CDK6: variants seen among roughly 807,000 people sequenced by gnomAD.
CDK6 encodes the protein cyclin dependent kinase 6.
Under a neutral mutation model 37.1 loss-of-function variants are expected in CDK6, and 6 were observed. The observed-to-expected ratio is 0.16, with a 90% confidence interval of 0.09 to 0.32. The LOEUF is 0.32. CDK6 is among the 10% of genes least tolerant of loss of function. The probability of loss-of-function intolerance (pLI) is 1.00; values close to 1 mark genes in which losing one functional copy is unlikely to be tolerated. For missense variants in CDK6, 224 were observed against 418.9 expected (o/e 0.53, Z 4.06); for synonymous variants, 160 against 161.3 (o/e 0.99, Z 0.06).
At chr7:92,828,984 T>A (rs1448198828) in intron 2 of CDK6, among the ~76,000 whole-genome samples, 1 of 152,172 alleles carries the variant, frequency 6.6e-6, no homozygotes, top group Non-Finnish European at 1.5e-5. Flanking sequence ...TTTCCTGCTT[T>A]TATTGAAAAA....
At chr7:92,824,904 G>A (rs1361578616) in intron 2 of CDK6, among the ~76,000 whole-genome samples, 1 of 152,028 alleles carries the variant, frequency 6.6e-6, no homozygotes, top group East Asian at 1.9e-4. Flanking sequence ...ATTTACCCTA[G>A]GTTACTCAAC....
intron 5 of CDK6, among the ~76,000 whole-genome samples, chr7:92,657,825 C>T (rs1796730821): frequency 6.6e-6 from 1 of 152,214 alleles, no homozygotes; most frequent in African/African-American, 2.4e-5. Flanking sequence ...AAGTGATCCT[C>T]CTGCTTCAGC....
intron 2 of CDK6, among the ~76,000 whole-genome samples, chr7:92,785,412 G>T (rs114858322): frequency 0.012 from 1,773 of 152,244 alleles, 31 homozygotes; most frequent in African/African-American, 0.041. Flanking sequence ...AATGGGGACT[G>T]ATAATGTGTA....
chr7:92,649,330 T>C (rs557847604), intron 5 of CDK6, among the ~76,000 whole-genome samples: 1 of 152,276 alleles, frequency 6.6e-6, no homozygotes, highest in South Asian at 2.1e-4. Context: ...ATGCCAACAT[T>C]ATCTATAAAG....
chr7:92,818,056 T>C (rs188229019), intron 2 of CDK6, among the ~76,000 whole-genome samples: 3 of 152,106 alleles, frequency 2.0e-5, no homozygotes, highest in East Asian at 1.9e-4. Flanking sequence ...CCCTAATTAA[T>C]AGAGATTAAA....
At chr7:92,744,442 G>T (rs1458329391) in intron 3 of CDK6, among the ~76,000 whole-genome samples, 1 of 152,104 alleles carries the variant, frequency 6.6e-6, no homozygotes, top group Non-Finnish European at 1.5e-5. Flanking sequence ...ACTCCCAACG[G>T]GTCTTTCTCA....
At chr7:92,743,494 A>T (rs1163976153) in intron 3 of CDK6, among the ~76,000 whole-genome samples, 1 of 151,994 alleles carries the variant, frequency 6.6e-6, no homozygotes, top group Non-Finnish European at 1.5e-5. Context: ...AAAAAGAAAG[A>T]ACTCCATCAA....
chr7:92,653,946 T>C (rs920235822), intron 5 of CDK6, among the ~76,000 whole-genome samples: 1 of 152,152 alleles, frequency 6.6e-6, no homozygotes, highest in African/African-American at 2.4e-5. Flanking sequence ...CTATTCTTTA[T>C]CCTTCATGTT....
At chr7:92,774,660 G>T (rs544695232) in intron 3 of CDK6, 36 bp downstream of exon 3, 1 of 1,537,798 alleles carries the variant, frequency 6.5e-7, no homozygotes, top group Non-Finnish European at 8.7e-7. Flanking sequence ...TATAATAGTC[G>T]ACTGCCTGAT....
In CDK6 at chr7:92,834,925, C is replaced by G. The variant is rs1376259795; in HGVS notation, c.-367-1235G>C. On this transcript the variant is annotated intron_variant, in intron 1 of 7. Transcript: ENST00000424848. This position sits in a 1 kb window ranked among gnomAD's most constrained non-coding sequence, Gnocchi z 4.6. The stretch of plus-strand genomic sequence containing the variant: ...CTTTCCCTCCCCATTCAGCAGCTAT[C>G]TGGGACCTAGGGGGCCTCCCTCCTC... 1 of 152,328 alleles carries G rather than the reference C, an allele frequency of 6.6e-6. No individual in the cohort carries two copies. The highest frequency in any genetic ancestry group is 2.4e-5 in the African/African-American group (1 of 41,448). The allele number at this position is 152,328 out of a possible 1,614,324, so 9.4% of individuals were successfully genotyped here.
At chr7:92,770,951 A>C (rs1192003112) in intron 3 of CDK6, among the ~76,000 whole-genome samples, 1 of 152,144 alleles carries the variant, frequency 6.6e-6, no homozygotes, top group African/African-American at 2.4e-5. Context: ...ATGTTAAAAT[A>C]TCTGGCCAGG....
At chr7:92,625,797 G>T (rs1795915796) in intron 5 of CDK6, among the ~76,000 whole-genome samples, 1 of 152,074 alleles carries the variant, frequency 6.6e-6, no homozygotes, top group Non-Finnish European at 1.5e-5. Context: ...GAAAGGAAAT[G>T]ATTCATGCAT....
chr7:92,740,315 A>G (rs965464595), intron 3 of CDK6, among the ~76,000 whole-genome samples: 1 of 152,098 alleles, frequency 6.6e-6, no homozygotes, highest in Non-Finnish European at 1.5e-5. Context: ...CCCCCGATAT[A>G]CACACATCTT....
chr7:92,746,579 C>A (rs1298134836), intron 3 of CDK6, among the ~76,000 whole-genome samples: 1 of 152,042 alleles, frequency 6.6e-6, no homozygotes, highest in African/African-American at 2.4e-5. Context: ...CCAAAGATGT[C>A]TCATTATATA....
intron 2 of CDK6, among the ~76,000 whole-genome samples, chr7:92,823,198 G>A (rs554337314): frequency 2.0e-5 from 3 of 150,806 alleles, no homozygotes; most frequent in Non-Finnish European, 2.9e-5. Flanking sequence ...TGGTACCACC[G>A]AGTCAGTCAC....
rs556779752 is a variant in CDK6, at chr7:92,651,564, A to G, written c.647+19862T>C. Among the ~76,000 whole-genome samples, 42 of 152,332 alleles carry G rather than the reference A, an allele frequency of 2.8e-4. No individual in the cohort carries two copies. The South Asian group carries it at 7.7e-3, about 28-fold the overall frequency. ...AAAGATCAGAAGTGAGTTAGGGACTAGGAGTAGAAGGTCTTTGATATTATA... is the reference window on the plus strand; with the variant it reads ...AAAGATCAGAAGTGAGTTAGGGACTGGGAGTAGAAGGTCTTTGATATTATA... On this transcript the variant is annotated intron_variant, in intron 5 of 7. Transcript: ENST00000424848.
In CDK6 at chr7:92,817,398, A is replaced by T. The variant is rs1024938537; in HGVS notation, c.233+15693T>A. ...TTCACAGCACAATAACAGAGTTTTT[A>T]AAAAAATAATCAATTCAATTCTTCA... On this transcript the variant is annotated intron_variant, in intron 2 of 7. Transcript: ENST00000424848. Among the ~76,000 whole-genome samples, 7 of 151,910 alleles carry T rather than the reference A, an allele frequency of 4.6e-5. No individual in the cohort carries two copies. In the South Asian group the frequency reaches 6.2e-4, roughly 13 times the overall value.
chr7:92,661,375 TA>T (rs1014412004), intron 5 of CDK6, among the ~76,000 whole-genome samples: 11 of 152,142 alleles, frequency 7.2e-5, no homozygotes, highest in Non-Finnish European at 1.2e-4. Context: ...ACATGGGGGT[TA>T]AAGGTGCTGA....
At chr7:92,781,085 T>C (rs1432939969) in intron 2 of CDK6, among the ~76,000 whole-genome samples, 1 of 152,206 alleles carries the variant, frequency 6.6e-6, no homozygotes, top group Non-Finnish European at 1.5e-5. Flanking sequence ...CATAATGTGA[T>C]CCAAGTGAAT....
Sources: gnomAD v4.1 joint callset for allele counts (sites outside exome capture counted in the v4.1 genomes callset) on GRCh38, gnomAD v4.1.1 for gene constraint, Gnocchi (gnomAD v3.1) non-coding constraint, MANE v1.5 for transcripts, NCBI Gene and HGNC (gene_info 2026-07-23, HGNC 2026-07-21) for gene names.